Variants in EHMT1 observed in about 807,000 individuals in gnomAD.
The protein encoded by EHMT1 is euchromatic histone lysine methyltransferase 1, also known as histone-lysine N-methyltransferase EHMT1.
A neutral mutation model predicts 147.2 loss-of-function variants in EHMT1; 15 were observed. That is an observed-to-expected ratio of 0.10 (90% confidence interval 0.07 to 0.16). The LOEUF is 0.16. Among genes scored for constraint, EHMT1 ranks in the 10% least tolerant of loss-of-function variants. The probability of loss-of-function intolerance (pLI) is 1.00; values close to 1 mark genes in which losing one functional copy is unlikely to be tolerated. For missense variants in EHMT1, 1,587 were observed against 1,772.4 expected (o/e 0.90, Z 1.88); for synonymous variants, 795 against 709.6 (o/e 1.12, Z -1.91).
At chr9:137,761,683 T>A (rs565925588) in intron 9 of EHMT1, among the ~76,000 whole-genome samples, 267 of 152,258 alleles carry the variant, frequency 1.8e-3, no homozygotes, top group Non-Finnish European at 3.2e-3. Flanking sequence ...GGTCTCGATC[T>A]CCTGACCTCG....
chr9:137,631,323 T>C (rs1266646346), intron 1 of EHMT1, among the ~76,000 whole-genome samples: 1 of 150,804 alleles, frequency 6.6e-6, no homozygotes, highest in Non-Finnish European at 1.5e-5. Flanking sequence ...ACCCGGGAGG[T>C]GGAGGTTGCA....
chr9:137,778,496 G>A (rs1482332066), intron 13 of EHMT1, among the ~76,000 whole-genome samples: 2 of 152,118 alleles, frequency 1.3e-5, no homozygotes, highest in Non-Finnish European at 2.9e-5. Context: ...TCTCAGCATT[G>A]CCCCACCAGG....
chr9:137,809,657 A>G (rs1954253836), intron 18 of EHMT1, among the ~76,000 whole-genome samples: 1 of 152,254 alleles, frequency 6.6e-6, no homozygotes, highest in African/African-American at 2.4e-5. Context: ...AGGAACGTGA[A>G]ACGCTCACGT....
At position 137,645,200 on chromosome 9, in the gene EHMT1, A is replaced by G. The variant is rs76339622; in HGVS notation, c.21+26151A>G. On this transcript the variant is annotated intron_variant, in intron 1 of 26. Transcript: ENST00000460843. ...TTTAGCTGTATTAGTTCCCCAACCC[A>G]CTGAATGTTGCCTGGCACACTTCAG... 2.0e-3 allele frequency among the ~76,000 whole-genome samples: 299 copies of G among 152,300 alleles called. 3 individuals carry two copies. Among genetic ancestry groups the G allele is most frequent in the East Asian group, 7.1e-3 (37 of 5,190 alleles).
intron 17 of EHMT1, 28 bp downstream of exon 17, chr9:137,798,942 A>G (rs1953197261): frequency 6.4e-7 from 1 of 1,550,460 alleles, no homozygotes; most frequent in African/African-American, 1.4e-5. Context: ...CCTTAGCAGT[A>G]CACTGTGTGG....
intron 1 of EHMT1, among the ~76,000 whole-genome samples, chr9:137,652,794 C>T (rs1038602493): frequency 6.7e-6 from 1 of 150,330 alleles, no homozygotes; most frequent in Non-Finnish European, 1.5e-5. Flanking sequence ...GGTGCAATCT[C>T]GGCTCACCGC....
At chr9:137,759,054 G>A (rs746240968) in intron 9 of EHMT1, among the ~76,000 whole-genome samples, 1 of 151,998 alleles carries the variant, frequency 6.6e-6, no homozygotes, top group Admixed American at 6.6e-5. Flanking sequence ...GTGAACCCAG[G>A]AAGCAGAGCT....
At chr9:137,683,225 G>A (rs1942129970) in intron 1 of EHMT1, among the ~76,000 whole-genome samples, 1 of 152,120 alleles carries the variant, frequency 6.6e-6, no homozygotes, top group South Asian at 2.1e-4. Context: ...ACACTTATTT[G>A]AATCTTTGTT....
intron 4 of EHMT1, among the ~76,000 whole-genome samples, chr9:137,734,517 A>G (rs1257396033): frequency 6.6e-6 from 1 of 152,216 alleles, no homozygotes; most frequent in African/African-American, 2.4e-5. Context: ...AGGACCAAAC[A>G]GGGATTGTGG....
intron 3 of EHMT1, 161 bp downstream of exon 3, chr9:137,717,343 C>T (rs998897830): frequency 1.1e-6 from 1 of 935,490 alleles, no homozygotes. Flanking sequence ...TGGCTTACAG[C>T]TGTTATCGCA....
chr9:137,722,009 T>A (rs1172642449), intron 3 of EHMT1, among the ~76,000 whole-genome samples: 2 of 152,078 alleles, frequency 1.3e-5, no homozygotes, highest in African/African-American at 4.8e-5. Context: ...TTACGTGAAC[T>A]TTAAATCTGT....
chr9:137,803,635 A>C (rs893995146), intron 18 of EHMT1, among the ~76,000 whole-genome samples: 1 of 151,870 alleles, frequency 6.6e-6, no homozygotes, highest in South Asian at 2.1e-4. Context: ...TCTTGATTAA[A>C]CCCCTGGGAG....
chr9:137,719,593 A>G (rs1246466768), intron 3 of EHMT1, among the ~76,000 whole-genome samples: 1 of 152,206 alleles, frequency 6.6e-6, no homozygotes, highest in Non-Finnish European at 1.5e-5. Context: ...CTTAAAAATA[A>G]TTACAGTGTC....
At chr9:137,717,572 C>T (rs894668595) in intron 3 of EHMT1, among the ~76,000 whole-genome samples, 1 of 147,448 alleles carries the variant, frequency 6.8e-6, no homozygotes, top group Non-Finnish European at 1.5e-5. Context: ...CCTCACTGCA[C>T]TCCAGCTTGG....
intron 1 of EHMT1, among the ~76,000 whole-genome samples, chr9:137,630,996 A>C (rs920899175): frequency 6.6e-6 from 1 of 152,134 alleles, no homozygotes. Flanking sequence ...GTAGGGGGCC[A>C]GTGAGCAGGC....
chr9:137,661,075 C>A (rs1412607659), intron 1 of EHMT1, among the ~76,000 whole-genome samples: 2 of 152,102 alleles, frequency 1.3e-5, no homozygotes, highest in Non-Finnish European at 2.9e-5. Flanking sequence ...TGTTTTTATT[C>A]TTGGTTTTGT....
chr9:137,822,513 A>T (rs1030175444), intron 25 of EHMT1, among the ~76,000 whole-genome samples: 15 of 152,158 alleles, frequency 9.9e-5, no homozygotes, highest in African/African-American at 3.6e-4. Context: ...ACTGTGACTT[A>T]GATTTGCTGT....
chr9:137,816,264 GCA>G lies in EHMT1; in HGVS notation c.3374+205_3374+206del. ...TAAATCACGAGTCATGCTTCCCCCAGCACAGACTTCGGCATGAGAGAAGGAGC... is the reference window on the plus strand; with the variant it reads ...TAAATCACGAGTCATGCTTCCCCCAGCAGACTTCGGCATGAGAGAAGGAGC... On this transcript the variant is annotated intron_variant, in intron 23 of 26. Transcript: ENST00000460843. 4.7e-6 allele frequency: 3 copies of G among 632,690 alleles called. No individual in the cohort carries two copies. The Admixed American group carries it at 6.5e-5, about 14-fold the overall frequency. The allele number at this position is 632,690 out of a possible 1,614,324, so 39.2% of individuals were successfully genotyped here.
At chr9:137,665,461 C>G (rs1055823781) in intron 1 of EHMT1, among the ~76,000 whole-genome samples, 6 of 152,196 alleles carry the variant, frequency 3.9e-5, no homozygotes, top group Non-Finnish European at 7.3e-5. Flanking sequence ...ATGCTTGGCA[C>G]TGGGACAGGA....
Sources: allele counts gnomAD v4.1 joint callset (sites outside exome capture counted in the v4.1 genomes callset), GRCh38; gene constraint gnomAD v4.1.1; transcripts MANE v1.5; gene names NCBI Gene and HGNC (gene_info 2026-07-23, HGNC 2026-07-21).